The following DIP2A variants were observed in gnomAD, a reference collection of about 807,000 sequenced individuals.
DIP2A encodes the protein disco-interacting protein 2 homolog A.
A neutral mutation model predicts 177.4 loss-of-function variants in DIP2A; 85 were observed. The observed-to-expected ratio is 0.48, with a 90% CI of 0.40 to 0.57. DIP2A has a LOEUF of 0.57. Ranked by LOEUF, DIP2A falls within the 20% of genes least tolerant of loss-of-function variation. The pLI, the probability that DIP2A is intolerant of heterozygous loss-of-function variation, is 0.00. For synonymous variants in DIP2A, 886 were observed against 881.8 expected, an observed-to-expected ratio of 1.00 and a Z score of -0.08; for missense variants, 1,791 against 2,100.2, an observed-to-expected ratio of 0.85 and a Z score of 2.88.
chr21:46,567,853 AGATG>A lies in DIP2A; in HGVS notation c.*234_*237del, dbSNP rs923738680. On this transcript the variant is annotated 3_prime_UTR_variant, in exon 38 of 38. Transcript: ENST00000417564. ...AAAACACGGATGCTGGTATTTTAAC[AGATG>A]GAGAGACAAGGAAAGGAAAGGAAAG... 2.2e-6 allele frequency: 1 copy of A among 464,350 alleles called. No individual in the cohort carries two copies. The highest frequency in any genetic ancestry group is 3.6e-6 in the Non-Finnish European group (1 of 275,650). The allele number at this position is 464,350 out of a possible 1,614,324, so 28.8% of individuals were successfully genotyped here.
intron 18 of DIP2A, 141 bp downstream of exon 18, chr21:46,542,036 C>A: frequency 8.4e-6 from 8 of 955,834 alleles, no homozygotes; most frequent in Non-Finnish European, 9.4e-6. Context: ...GCATCCTCCG[C>A]CTCCCAGGTT....
In DIP2A at chr21:46,537,663, G is replaced by A; in HGVS notation, c.1801+124G>A. 2 of 952,380 alleles carry A rather than the reference G, an allele frequency of 2.1e-6. No homozygotes were observed. The highest frequency in any genetic ancestry group is 1.6e-5 in the African/African-American group (1 of 60,918). 59.0% of individuals were successfully genotyped at this position (952,380 alleles called of 1,614,324 possible). On this transcript the variant is annotated intron_variant, in intron 15 of 37. Transcript: ENST00000417564. The surrounding 1 kb of genome is among the most constrained non-coding windows in gnomAD (Gnocchi z 4.1). ...TGCAGATGTAGGCTGAAGAGCTGTGGGACGTCTTTCTTGGTCACACCCCTG... is the reference window on the plus strand; with the variant it reads ...TGCAGATGTAGGCTGAAGAGCTGTGAGACGTCTTTCTTGGTCACACCCCTG...
intron 16 of DIP2A, chr21:46,539,370 C>T (rs970064363): frequency 1.1e-5 from 2 of 184,432 alleles, no homozygotes; most frequent in Non-Finnish European, 2.3e-5. Flanking sequence ...TGGGAGGTCA[C>T]CCCACCTTTG....
intron 1 of DIP2A, among the ~76,000 whole-genome samples, chr21:46,473,060 C>G (rs143262532): frequency 2.2e-4 from 33 of 152,240 alleles, no homozygotes; most frequent in African/African-American, 7.2e-4. Context: ...CTGTACTGGA[C>G]AACAGCAAAG....
Position 46,563,992 on chromosome 21 carries a change from T to A in DIP2A, c.4164+60T>A. ...CCAGCCTCACCAGCTTCACCTTCCT[T>A]CCCTTTTTGCTTCAGATTTTGGAAT... On this transcript the variant is annotated intron_variant, in intron 35 of 37. Transcript: ENST00000417564. This position sits in a 1 kb window ranked among gnomAD's most constrained non-coding sequence, Gnocchi z 4.3. The A allele has an allele frequency of 7.0e-6, 11 of 1,560,834 alleles. No homozygotes were observed. The South Asian group carries it at 1.2e-4, about 16-fold the overall frequency.
At chr21:46,507,273 A>G (rs1444847106) in intron 6 of DIP2A, among the ~76,000 whole-genome samples, 2 of 152,216 alleles carry the variant, frequency 1.3e-5, no homozygotes, top group African/African-American at 2.4e-5. Context: ...TGTCATATCT[A>G]AGAAATTTTT....
chr21:46,504,692 T>A (rs1301058506), intron 6 of DIP2A, among the ~76,000 whole-genome samples: 3 of 152,198 alleles, frequency 2.0e-5, no homozygotes, highest in Non-Finnish European at 4.4e-5. Context: ...TCAATGGAAT[T>A]GGTCAGAGGG....
the DIP2A span, among the ~76,000 whole-genome samples, chr21:46,582,754 A>G: frequency 6.6e-6 from 1 of 152,162 alleles, no homozygotes; most frequent in Non-Finnish European, 1.5e-5. Flanking sequence ...CTAGTAGGCC[A>G]TCTTTCCACT....
chr21:46,543,509 C>T (rs972298022), intron 18 of DIP2A, among the ~76,000 whole-genome samples: 12 of 101,692 alleles, frequency 1.2e-4, no homozygotes, highest in African/African-American at 3.9e-4. Flanking sequence ...GTGCATGCAG[C>T]GCTCCCCCTC....
At chr21:46,495,592 T>G (rs2057313409) in intron 3 of DIP2A, among the ~76,000 whole-genome samples, 2 of 151,818 alleles carry the variant, frequency 1.3e-5, no homozygotes, top group Admixed American at 1.3e-4. Flanking sequence ...TTTTCTTCCT[T>G]CCTTCCCTTT....
chr21:46,492,219 C>T (rs1601486240), intron 3 of DIP2A, among the ~76,000 whole-genome samples: 1 of 152,150 alleles, frequency 6.6e-6, no homozygotes, highest in East Asian at 1.9e-4. Context: ...TGGAGGTAGT[C>T]AGCTGTTCCT....
chr21:46,539,976 C>T lies in DIP2A; in HGVS notation c.2021C>T (p.Thr674Ile), dbSNP rs1406927265. 4 of 1,613,962 alleles carry T rather than the reference C, an allele frequency of 2.5e-6. No individual in the cohort carries two copies. Among genetic ancestry groups the T allele is most frequent in the Non-Finnish European group, 3.4e-6 (4 of 1,179,796 alleles). The change falls in exon 17 of 38, where the codon ACT becomes ATT. Residue 674 changes from threonine (T) to isoleucine (I), a missense_variant. Transcript: ENST00000417564. ...CPCASSPEAL[T>I]VAIRRPPDLG... is the part of the protein sequence containing the mutation. ...TGTGCAAGTTCTCCTGAGGCGCTGA[C>T]TGTCGCCATCCGCAGGTAACCTTAT...
chr21:46,555,213 G>A (rs1291928590), intron 28 of DIP2A, among the ~76,000 whole-genome samples: 2 of 152,236 alleles, frequency 1.3e-5, no homozygotes, highest in African/African-American at 4.8e-5. Context: ...ATGGGGGCTG[G>A]CAGCTCTCTG....
chr21:46,515,429 A>G (rs1601615155), intron 8 of DIP2A, among the ~76,000 whole-genome samples: 7 of 147,730 alleles, frequency 4.7e-5, no homozygotes, highest in Admixed American at 3.4e-4. Flanking sequence ...TTTGTGAAGA[A>G]CCCAGCCTGT....
In DIP2A at chr21:46,557,092, C is replaced by T. The variant is rs764435534; in HGVS notation, c.3629+23C>T. ...CAGGTGAGTGCAGGGCCCCTGCTGC[C>T]TGCCAGGTGGGAGCAGCTCGTGTGG... On this transcript the variant is annotated intron_variant, in intron 30 of 37. Coordinates refer to ENST00000417564, the MANE Select transcript of DIP2A (RefSeq NM_015151.4). The surrounding 1 kb of genome is among the most constrained non-coding windows in gnomAD (Gnocchi z 6.0). 4.4e-6 allele frequency: 7 copies of T among 1,581,926 alleles called. No homozygotes were observed. The East Asian group carries it at 1.4e-4, about 31-fold the overall frequency.
chr21:46,503,606 TCC>T (rs1431967682), intron 5 of DIP2A, among the ~76,000 whole-genome samples: 7 of 111,342 alleles, frequency 6.3e-5, no homozygotes, highest in African/African-American at 2.9e-4. Flanking sequence ...CTTCCTTCCT[TCC>T]TTCCTTTCTT....
intron 1 of DIP2A, among the ~76,000 whole-genome samples, chr21:46,482,928 G>A (rs2056445742): frequency 6.6e-6 from 1 of 152,196 alleles, no homozygotes; most frequent in African/African-American, 2.4e-5. Context: ...AAAAAGTTGT[G>A]CACAAGTTGA....
At chr21:46,524,872 CTTTTTTTTTTTTTTTTT>C (rs3061062) in intron 8 of DIP2A, among the ~76,000 whole-genome samples, 4 of 63,392 alleles carry the variant, frequency 6.3e-5, no homozygotes, top group East Asian at 4.8e-4. Context: ...TTGCTTTTTG[CTTTTTTTTTTTTTTTTT>C]TTTTTTTTTT....
chr21:46,503,620 C>CT (rs1433715015), intron 5 of DIP2A, among the ~76,000 whole-genome samples: 3 of 75,096 alleles, frequency 4.0e-5, no homozygotes, highest in Non-Finnish European at 6.0e-5. Context: ...TCCTTTCTTT[C>CT]TTTCTTTCTT....
Sources: allele counts gnomAD v4.1 joint callset (sites outside exome capture counted in the v4.1 genomes callset), GRCh38; gene constraint gnomAD v4.1.1; non-coding constraint Gnocchi (gnomAD v3.1); transcripts MANE v1.5; gene names NCBI Gene and HGNC (gene_info 2026-07-23, HGNC 2026-07-21).